PRDM5: variants seen among roughly 807,000 people sequenced by gnomAD.
PRDM5 encodes the protein PR/SET domain 5, also known as PR domain zinc finger protein 5.
PRDM5 carries 56 observed loss-of-function variants against 81.2 expected under a neutral mutation model. That is an observed-to-expected ratio of 0.69 (90% CI 0.56 to 0.86). The LOEUF (loss-of-function observed/expected upper bound fraction) is 0.86, where lower values mean the gene tolerates loss of function less well. PRDM5 is among the 40% of genes least tolerant of loss of function. The probability of loss-of-function intolerance (pLI) is 0.00; values close to 1 mark genes in which losing one functional copy is unlikely to be tolerated. For synonymous variants in PRDM5, 267 were observed against 256.4 expected, an observed-to-expected ratio of 1.04 and a Z score of -0.39; for missense variants, 697 against 770.1, an observed-to-expected ratio of 0.91 and a Z score of 1.12.
In PRDM5 at chr4:120,816,818, C is replaced by T. The variant is rs185567213; in HGVS notation, c.743+14G>A. The T allele has an allele frequency of 3.1e-4, 503 of 1,608,080 alleles. 6 individuals carry two copies. In the East Asian group the frequency reaches 8.7e-3, roughly 28 times the overall value. On this transcript the variant is annotated intron_variant, in intron 6 of 15. Transcript: ENST00000264808. ...CAATTATATAACAGCCATTTCATAA[C>T]TCAGACACAAAACCTCGATGCTGAA...
At chr4:120,711,607 T>C (rs1363561052) in intron 14 of PRDM5, among the ~76,000 whole-genome samples, 1 of 151,960 alleles carries the variant, frequency 6.6e-6, no homozygotes, top group Non-Finnish European at 1.5e-5. Context: ...ACTGCACCTG[T>C]GTTTTCATTT....
In PRDM5 at chr4:120,888,013, C is replaced by T. The variant is rs1159136656; in HGVS notation, c.177+19461G>A. ...TTCACCGTTTTAGCCGGGATGGTCTCGATCTCCTGACCTCGTGATCCGCCC... is the reference window on the plus strand; with the variant it reads ...TTCACCGTTTTAGCCGGGATGGTCTTGATCTCCTGACCTCGTGATCCGCCC... On this transcript the variant is annotated intron_variant, in intron 2 of 15. Transcript: ENST00000264808. 8.8e-5 allele frequency among the ~76,000 whole-genome samples: 5 copies of T among 56,920 alleles called. 1 individual carries two copies. The East Asian group carries it at 1.6e-3, about 18-fold the overall frequency. 37.3% of individuals were successfully genotyped at this position (56,920 alleles called of 152,430 possible). A position where few individuals can be genotyped will look rare whatever the true frequency, so the allele number is the denominator to read the frequency against.
chr4:120,908,675 T>A (rs1766129728), intron 1 of PRDM5, among the ~76,000 whole-genome samples: 1 of 152,194 alleles, frequency 6.6e-6, no homozygotes, highest in South Asian at 2.1e-4. Flanking sequence ...TTCTTTAATG[T>A]TAACTTAGGG....
At chr4:120,847,295 G>C (rs1451878213) in intron 3 of PRDM5, among the ~76,000 whole-genome samples, 1 of 152,046 alleles carries the variant, frequency 6.6e-6, no homozygotes, top group Non-Finnish European at 1.5e-5. Context: ...GGTTATAAAA[G>C]GTTGCAGCTC....
intron 8 of PRDM5, among the ~76,000 whole-genome samples, chr4:120,806,644 A>G (rs547475742): frequency 8.5e-5 from 13 of 152,354 alleles, no homozygotes; most frequent in African/African-American, 2.6e-4. Flanking sequence ...CTGGCTAGCC[A>G]TAGGTAGAAA....
chr4:120,772,252 C>T (rs1468299950), intron 13 of PRDM5, among the ~76,000 whole-genome samples: 1 of 152,186 alleles, frequency 6.6e-6, no homozygotes, highest in African/African-American at 2.4e-5. Context: ...TTTCAAATAT[C>T]AGCAAAAACC....
chr4:120,772,493 T>G (rs1277250787), intron 13 of PRDM5, among the ~76,000 whole-genome samples: 1 of 152,206 alleles, frequency 6.6e-6, no homozygotes, highest in Non-Finnish European at 1.5e-5. Context: ...GCAAAGGCAA[T>G]GCCAATGGAC....
At chr4:120,690,910 T>C (rs1428015049), downstream of PRDM5, among the ~76,000 whole-genome samples, 1 of 152,134 alleles carries the variant, frequency 6.6e-6, no homozygotes, top group Non-Finnish European at 1.5e-5. Flanking sequence ...CATCTTAGAT[T>C]AGTTTCCTCC....
chr4:120,727,973 C>A (rs909155921), intron 14 of PRDM5, among the ~76,000 whole-genome samples: 1 of 151,532 alleles, frequency 6.6e-6, no homozygotes. Flanking sequence ...AGAGAAAGTA[C>A]CAGTGAAGAA....
intron 10 of PRDM5, among the ~76,000 whole-genome samples, chr4:120,786,519 A>T (rs1356672605): frequency 6.6e-6 from 1 of 152,186 alleles, no homozygotes; most frequent in African/African-American, 2.4e-5. Context: ...GCTTTGAGGC[A>T]AACGTCCAGA....
intron 2 of PRDM5, 78 bp downstream of exon 2, chr4:120,907,396 A>C: frequency 1.6e-6 from 2 of 1,226,738 alleles, no homozygotes; most frequent in East Asian, 2.4e-5. Context: ...AATCAATATC[A>C]ATTAATGTAG....
intron 14 of PRDM5, among the ~76,000 whole-genome samples, chr4:120,739,481 C>G (rs1578536772): frequency 6.6e-6 from 1 of 152,256 alleles, no homozygotes; most frequent in Middle Eastern, 3.4e-3. Context: ...AATGCAGATA[C>G]CATTTAAAAA....
intron 3 of PRDM5, among the ~76,000 whole-genome samples, chr4:120,822,468 AG>A (rs1316136449): frequency 6.6e-6 from 1 of 152,154 alleles, no homozygotes; most frequent in East Asian, 1.9e-4. Context: ...GTTTAAAAGC[AG>A]GAGGAGGAAG....
intron 2 of PRDM5, among the ~76,000 whole-genome samples, chr4:120,867,706 G>A (rs1761345118): frequency 6.6e-6 from 1 of 152,112 alleles, no homozygotes; most frequent in South Asian, 2.1e-4. Context: ...ACAAATCTGG[G>A]GCTTTCCCCA....
intron 3 of PRDM5, among the ~76,000 whole-genome samples, chr4:120,845,623 T>TC (rs1287795378): frequency 6.6e-6 from 1 of 150,580 alleles, no homozygotes; most frequent in African/African-American, 2.5e-5. Flanking sequence ...ACCCAAGAGC[T>TC]CTGATGGAGT....
chr4:120,811,343 A>T lies in PRDM5; in HGVS notation c.945+27T>A, dbSNP rs776194792. Reference sequence around the variant, plus strand: ...TAAAATTATTAAAGATAGATATTAAACTGTGATGAATTTTTATCTTACTGA... The same window carrying T: ...TAAAATTATTAAAGATAGATATTAATCTGTGATGAATTTTTATCTTACTGA... On this transcript the variant is annotated intron_variant, in intron 8 of 15. Transcript: ENST00000264808. 2.8e-6 allele frequency: 4 copies of T among 1,428,258 alleles called. No individual in the cohort carries two copies. In the African/African-American group the frequency reaches 5.6e-5, roughly 20 times the overall value. 88.5% of individuals were successfully genotyped at this position (1,428,258 alleles called of 1,614,324 possible).
At chr4:120,860,617 A>G (rs893048736) in intron 2 of PRDM5, among the ~76,000 whole-genome samples, 1 of 152,030 alleles carries the variant, frequency 6.6e-6, no homozygotes, top group Non-Finnish European at 1.5e-5. Flanking sequence ...CTTCTTGGAA[A>G]AAAAAAAAAG....
chr4:120,877,533 G>A lies in PRDM5; in HGVS notation c.178-23993C>T, dbSNP rs539626161. Among the ~76,000 whole-genome samples, 36 of 152,294 alleles carry A rather than the reference G, an allele frequency of 2.4e-4. No homozygotes were observed. In the South Asian group the frequency reaches 4.4e-3, roughly 18 times the overall value. ...TATTAAAATAAACGGGGCCGGGTGC[G>A]GTGGCTCACGCCTGTAATCCCAGCA... On this transcript the variant is annotated intron_variant, in intron 2 of 15. Coordinates refer to ENST00000264808, the MANE Select transcript of PRDM5 (RefSeq NM_018699.4).
intron 10 of PRDM5, among the ~76,000 whole-genome samples, chr4:120,795,031 G>C (rs1009816829): frequency 6.6e-6 from 1 of 152,178 alleles, no homozygotes; most frequent in Non-Finnish European, 1.5e-5. Flanking sequence ...AGACATTAAG[G>C]CCCAATGGAA....
Sources: allele counts gnomAD v4.1 joint callset (sites outside exome capture counted in the v4.1 genomes callset), GRCh38; gene constraint gnomAD v4.1.1; transcripts MANE v1.5; gene names NCBI Gene and HGNC (gene_info 2026-07-23, HGNC 2026-07-21).